The following CACNA2D2 variants were observed in gnomAD, a reference collection of about 807,000 sequenced individuals.
The protein encoded by CACNA2D2 is calcium voltage-gated channel auxiliary subunit alpha2delta 2.
A neutral mutation model predicts 166.4 loss-of-function variants in CACNA2D2; 48 were observed. That is an observed-to-expected ratio of 0.29 (90% CI 0.23 to 0.37). The LOEUF is 0.37. Ranked by LOEUF, CACNA2D2 falls within the 10% of genes least tolerant of loss-of-function variation. The pLI is 1.00. For synonymous variants in CACNA2D2, 561 were observed against 573.7 expected (o/e 0.98, Z 0.32); for missense variants, 1,122 against 1,433.0 (o/e 0.78, Z 3.50).
intron 2 of CACNA2D2, among the ~76,000 whole-genome samples, chr3:50,464,670 T>C (rs1709748783): frequency 6.6e-6 from 1 of 152,210 alleles, no homozygotes; most frequent in Non-Finnish European, 1.5e-5. Flanking sequence ...TTTCAGGGCC[T>C]AGTCTGCTTT....
Position 50,482,976 on chromosome 3 carries a change from A to C in CACNA2D2, c.207-6777T>G, listed in dbSNP as rs1448056289. On this transcript the variant is annotated intron_variant, in intron 1 of 37. Coordinates refer to ENST00000424201, the MANE Select transcript of CACNA2D2 (RefSeq NM_006030.4). ...CTCCCCAGAGGCCACCTGGGCCACA[A>C]GATTACAGTGCCTTCAGATGTGGTG... Among the ~76,000 whole-genome samples the C allele has an allele frequency of 3.3e-5, 5 of 152,256 alleles. No homozygotes were observed. In the East Asian group the frequency reaches 9.6e-4, roughly 29 times the overall value.
At chr3:50,381,708 T>G (rs1002525718) in intron 6 of CACNA2D2, among the ~76,000 whole-genome samples, 2 of 151,964 alleles carry the variant, frequency 1.3e-5, no homozygotes, top group Non-Finnish European at 2.9e-5. Flanking sequence ...CACAGGCAAG[T>G]GTACTTGTAC....
chr3:50,417,138 A>G (rs1210287545), intron 3 of CACNA2D2, among the ~76,000 whole-genome samples: 2 of 152,114 alleles, frequency 1.3e-5, no homozygotes, highest in Non-Finnish European at 2.9e-5. Context: ...AGGAACTTTG[A>G]GGTGGTGGAG....
chr3:50,503,817 A>C (rs1048557226), upstream of CACNA2D2, among the ~76,000 whole-genome samples: 1 of 149,768 alleles, frequency 6.7e-6, no homozygotes, highest in African/African-American at 2.5e-5. Context: ...ATCCTGCCCT[A>C]CTGGCTCGGG....
intron 5 of CACNA2D2, 126 bp from the exon 6 acceptor site, chr3:50,384,463 A>G: frequency 3.6e-6 from 4 of 1,103,882 alleles, no homozygotes; most frequent in Non-Finnish European, 3.9e-6. Context: ...AAGAGAGACT[A>G]TTGCAGTAGG....
intron 6 of CACNA2D2, among the ~76,000 whole-genome samples, chr3:50,381,899 C>T (rs1042867947): frequency 6.6e-6 from 1 of 151,856 alleles, no homozygotes; most frequent in African/African-American, 2.4e-5. Flanking sequence ...TGCTCACAAC[C>T]CCCTACCATC....
chr3:50,365,556 C>T lies in CACNA2D2; in HGVS notation c.2972-74G>A. The stretch of plus-strand genomic sequence containing the variant: ...TCTCCGGCCTCCCTCAGTCGTAGAC[C>T]CCACCCTCCCCATGGAGTCGTCTTA... On this transcript the variant is annotated intron_variant, in intron 34 of 37. Transcript: ENST00000424201. The surrounding 1 kb of genome is among the most constrained non-coding windows in gnomAD (Gnocchi z 4.5). 1 of 1,588,078 alleles carries T rather than the reference C, an allele frequency of 6.3e-7. No individual in the cohort carries two copies. Among genetic ancestry groups the T allele is most frequent in the Non-Finnish European group, 8.6e-7 (1 of 1,166,676 alleles).
At chr3:50,454,613 C>T (rs1709265999) in intron 2 of CACNA2D2, among the ~76,000 whole-genome samples, 1 of 152,222 alleles carries the variant, frequency 6.6e-6, no homozygotes, top group Admixed American at 6.5e-5. Context: ...ATCCCTCAGC[C>T]CGGGAGATTA....
In CACNA2D2 at chr3:50,364,756, G is replaced by T; in HGVS notation, c.3342C>A (p.Gly1114=). Reference sequence around the variant, plus strand: ...GCAGCAGTTGCAGGGAGACCAGGACGCCCAGCGACGGCGGGAAGGAGGCCC... The same window carrying T: ...GCAGCAGTTGCAGGGAGACCAGGACTCCCAGCGACGGCGGGAAGGAGGCCC... ...GRGASFPPSL[G]VLVSLQLLLL... Residue 1114 remains glycine (G), a synonymous_variant, in exon 38 of 38, where the codon GGC becomes GGA. Coordinates refer to ENST00000424201, the MANE Select transcript of CACNA2D2 (RefSeq NM_006030.4). The T allele has an allele frequency of 6.4e-7, 1 of 1,573,672 alleles. No homozygotes were observed. The highest frequency in any genetic ancestry group is 1.9e-5 in the Admixed American group (1 of 53,970).
At chr3:50,482,316 G>A (rs967778816) in intron 1 of CACNA2D2, among the ~76,000 whole-genome samples, 3 of 152,212 alleles carry the variant, frequency 2.0e-5, no homozygotes, top group African/African-American at 7.2e-5. Context: ...TCCCTGGGGA[G>A]TCCTCTCTGA....
intron 6 of CACNA2D2, among the ~76,000 whole-genome samples, 163 bp from the exon 7 acceptor site, chr3:50,381,289 T>A (rs1705303274): frequency 6.6e-6 from 1 of 151,770 alleles, no homozygotes. Flanking sequence ...CTGCCCCAGC[T>A]CCTCCAGGAA....
chr3:50,476,154 C>T lies in CACNA2D2; in HGVS notation c.252G>A (p.Val84=), dbSNP rs748779161. ...GCTGGACGCCTCCAAAAATCCGCAT[C>T]ACGCCGTCGACCTCCTGCTCCAGAC... The part of the protein sequence containing the change: ...ARRLEQEVDG[V]MRIFGGVQQL... Residue 84 remains valine, a synonymous_variant, in exon 2 of 38, where the codon GTG becomes GTA. Transcript: ENST00000424201. 3.1e-6 allele frequency: 5 copies of T among 1,602,486 alleles called. No homozygotes were observed. The highest frequency in any genetic ancestry group is 2.2e-5 in the South Asian group (2 of 88,984).
chr3:50,498,574 G>C (rs1698820967), intron 1 of CACNA2D2, among the ~76,000 whole-genome samples: 1 of 152,214 alleles, frequency 6.6e-6, no homozygotes, highest in South Asian at 2.1e-4. Context: ...CTGGGCTGGG[G>C]GTGCTCCATG....
In CACNA2D2 at chr3:50,367,609, G is replaced by A. The variant is rs1559875920; in HGVS notation, c.2297+33C>T. ...GAACAGATGCAGGTTCCCTGGCAGG[G>A]GCAGGGTTTGGGTAGTGGGATAGGT... is the stretch of plus-strand genomic sequence containing the variant. On this transcript the variant is annotated intron_variant, in intron 26 of 37. Transcript: ENST00000424201. This position sits in a 1 kb window ranked among gnomAD's most constrained non-coding sequence, Gnocchi z 6.5. 1 of 1,609,410 alleles carries A rather than the reference G, an allele frequency of 6.2e-7. No homozygotes were observed. Among genetic ancestry groups the A allele is most frequent in the Non-Finnish European group, 8.5e-7 (1 of 1,176,276 alleles).
chr3:50,392,271 G>C (rs1302377451), intron 4 of CACNA2D2, among the ~76,000 whole-genome samples: 1 of 152,186 alleles, frequency 6.6e-6, no homozygotes, highest in African/African-American at 2.4e-5. Flanking sequence ...CTGGCAGCCC[G>C]AGCATAGCTG....
chr3:50,427,867 T>C lies in CACNA2D2; in HGVS notation c.405+6446A>G, dbSNP rs1453154008. On this transcript the variant is annotated intron_variant, in intron 3 of 37. Coordinates refer to ENST00000424201, the MANE Select transcript of CACNA2D2 (RefSeq NM_006030.4). The surrounding 1 kb of genome is among the most constrained non-coding windows in gnomAD (Gnocchi z 4.7). ...CCTGGTCCTCCAGGGGCCAACCTGT[T>C]TGTCTCACCCTCGTCAGTGAATGCA... Among the ~76,000 whole-genome samples, 3 of 152,182 alleles carry C rather than the reference T, an allele frequency of 2.0e-5. No homozygotes were observed. Among genetic ancestry groups the C allele is most frequent in the African/African-American group, 4.8e-5 (2 of 41,438 alleles).
rs1156695477 is a variant in CACNA2D2, at chr3:50,380,595, T to A, written c.842+153A>T. Among the ~76,000 whole-genome samples, 1 of 152,088 alleles carries A rather than the reference T, an allele frequency of 6.6e-6. No individual in the cohort carries two copies. Among genetic ancestry groups the A allele is most frequent in the Non-Finnish European group, 1.5e-5 (1 of 68,006 alleles). On this transcript the variant is annotated intron_variant, in intron 8 of 37. Transcript: ENST00000424201. This position sits in a 1 kb window ranked among gnomAD's most constrained non-coding sequence, Gnocchi z 4.9. ...TGGGAGGCCTGCCTGGGTGATGGGA[T>A]CCATTTTCCAGTGGCAACCATGTGT... is the stretch of plus-strand genomic sequence containing the variant.
chr3:50,453,893 G>T (rs1332261166), intron 2 of CACNA2D2, among the ~76,000 whole-genome samples: 1 of 152,160 alleles, frequency 6.6e-6, no homozygotes, highest in African/African-American at 2.4e-5. Flanking sequence ...TGGTAGGTCA[G>T]GGAAGGGAGG....
rs111491560 is a variant in CACNA2D2, at chr3:50,501,926, G to A, written c.206+1292C>T. Among the ~76,000 whole-genome samples, 1,273 of 152,256 alleles carry A rather than the reference G, an allele frequency of 8.4e-3. 18 individuals carry two copies. Among genetic ancestry groups the A allele is most frequent in the African/African-American group, 0.027 (1,124 of 41,554 alleles). On this transcript the variant is annotated intron_variant, in intron 1 of 37. Coordinates refer to ENST00000424201, the MANE Select transcript of CACNA2D2 (RefSeq NM_006030.4). The stretch of plus-strand genomic sequence containing the variant: ...AATCCAGACGGTTGACAGAGGACAC[G>A]TCCGTGCGGCACTTGTAATTTGCCA...
Sources: gnomAD v4.1 joint callset for allele counts (sites outside exome capture counted in the v4.1 genomes callset) on GRCh38, gnomAD v4.1.1 for gene constraint, Gnocchi (gnomAD v3.1) non-coding constraint, MANE v1.5 for transcripts, NCBI Gene and HGNC (gene_info 2026-07-23, HGNC 2026-07-21) for gene names.